Variants in GMDS observed in about 807,000 individuals in gnomAD.
GMDS encodes the protein GDP-mannose 4,6 dehydratase.
GMDS carries 20 observed loss-of-function variants against 49.9 expected under a neutral mutation model. The observed-to-expected ratio is 0.40, with a 90% CI of 0.28 to 0.58. The LOEUF is 0.58. GMDS is among the 20% of genes least tolerant of loss of function. The pLI, the probability that GMDS is intolerant of heterozygous loss-of-function variation, is 0.42. For synonymous variants in GMDS, 177 were observed against 178.6 expected, an observed-to-expected ratio of 0.99 and a Z score of 0.07; for missense variants, 362 against 481.4, an observed-to-expected ratio of 0.75 and a Z score of 2.32.
At chr6:1,755,413 T>C (rs1460758801) in intron 7 of GMDS, among the ~76,000 whole-genome samples, 1 of 152,118 alleles carries the variant, frequency 6.6e-6, no homozygotes, top group Non-Finnish European at 1.5e-5. Flanking sequence ...TGATCATGGA[T>C]AGGAAGAATG....
At chr6:1,680,542 A>T (rs1363378605) in intron 9 of GMDS, among the ~76,000 whole-genome samples, 1 of 152,150 alleles carries the variant, frequency 6.6e-6, no homozygotes, top group African/African-American at 2.4e-5. Context: ...CTGACTTCTC[A>T]CACGGAAAGC....
intron 4 of GMDS, among the ~76,000 whole-genome samples, chr6:1,972,900 C>T (rs1214395554): frequency 1.3e-5 from 2 of 152,212 alleles, no homozygotes; most frequent in African/African-American, 4.8e-5. Flanking sequence ...CAATTCTACA[C>T]ATTTGGTTTT....
chr6:1,832,733 A>G (rs1448458732), intron 7 of GMDS, among the ~76,000 whole-genome samples: 1 of 152,216 alleles, frequency 6.6e-6, no homozygotes, highest in East Asian at 1.9e-4. Flanking sequence ...AAAAGAATGA[A>G]CAAAGTGAGG....
chr6:1,789,482 T>C (rs1214681713), intron 7 of GMDS, among the ~76,000 whole-genome samples: 1 of 152,146 alleles, frequency 6.6e-6, no homozygotes, highest in Non-Finnish European at 1.5e-5. Context: ...TTCTTTATTA[T>C]ATAAGTTAGA....
intron 10 of GMDS, 78 bp from the exon 11 acceptor site, chr6:1,624,309 C>A: frequency 7.2e-7 from 1 of 1,396,864 alleles, no homozygotes. Context: ...GTGTCGGCCC[C>A]AGAGAGGCCT....
intron 7 of GMDS, among the ~76,000 whole-genome samples, chr6:1,813,357 G>A (rs183922835): frequency 4.0e-5 from 6 of 151,658 alleles, no homozygotes; most frequent in African/African-American, 4.8e-5. Flanking sequence ...ACTTTAAAGC[G>A]TTCGTTAGAT....
chr6:1,965,024 G>T (rs1403524532), intron 4 of GMDS, among the ~76,000 whole-genome samples: 2 of 151,076 alleles, frequency 1.3e-5, no homozygotes, highest in Non-Finnish European at 2.9e-5. Flanking sequence ...TGGCTGCATA[G>T]TATTCCATGG....
At chr6:1,982,893 G>T (rs1368598148) in intron 4 of GMDS, among the ~76,000 whole-genome samples, 1 of 151,954 alleles carries the variant, frequency 6.6e-6, no homozygotes, top group Non-Finnish European at 1.5e-5. Flanking sequence ...AATTCATATG[G>T]AACCAAAAAA....
intron 9 of GMDS, among the ~76,000 whole-genome samples, chr6:1,693,314 G>A (rs1294928093): frequency 6.6e-6 from 1 of 152,188 alleles, no homozygotes; most frequent in Non-Finnish European, 1.5e-5. Flanking sequence ...GGGCACCTCT[G>A]CAGATCTCTG....
intron 1 of GMDS, among the ~76,000 whole-genome samples, chr6:2,167,532 C>T (rs1010004495): frequency 2.0e-5 from 3 of 152,126 alleles, no homozygotes; most frequent in Admixed American, 6.5e-5. Context: ...AGAGTCAAAA[C>T]CTCTTCAACT....
intron 1 of GMDS, among the ~76,000 whole-genome samples, chr6:2,210,907 C>A (rs1352850388): frequency 3.9e-5 from 6 of 152,162 alleles, no homozygotes; most frequent in African/African-American, 1.4e-4. Flanking sequence ...GGATGTCCCC[C>A]TTTCTGTTCT....
At chr6:2,088,051 A>G (rs920875434) in intron 4 of GMDS, among the ~76,000 whole-genome samples, 2 of 152,136 alleles carry the variant, frequency 1.3e-5, no homozygotes, top group African/African-American at 2.4e-5. Context: ...ATATGCTCAT[A>G]TGCTGGAGTG....
intron 9 of GMDS, among the ~76,000 whole-genome samples, chr6:1,626,962 G>A (rs1250675547): frequency 6.6e-6 from 1 of 152,208 alleles, no homozygotes; most frequent in East Asian, 1.9e-4. Context: ...ATTTAGTTTT[G>A]AGCCTAGCTC....
At chr6:1,734,378 C>T (rs1456671150) in intron 8 of GMDS, among the ~76,000 whole-genome samples, 1 of 152,228 alleles carries the variant, frequency 6.6e-6, no homozygotes, top group Non-Finnish European at 1.5e-5. Flanking sequence ...TCGTGGGGCC[C>T]TTATGAATGT....
At chr6:1,645,983 C>T (rs898363654) in intron 9 of GMDS, among the ~76,000 whole-genome samples, 4 of 152,260 alleles carry the variant, frequency 2.6e-5, no homozygotes, top group African/African-American at 4.8e-5. Context: ...GGACCTGGCA[C>T]TGTGCCTGGC....
chr6:1,839,473 T>G (rs1325214741), intron 7 of GMDS, among the ~76,000 whole-genome samples: 1 of 152,180 alleles, frequency 6.6e-6, no homozygotes, highest in Non-Finnish European at 1.5e-5. Context: ...ATACCCTGGA[T>G]TTAATTAGCA....
intron 7 of GMDS, among the ~76,000 whole-genome samples, chr6:1,834,537 T>G (rs752247055): frequency 6.6e-6 from 1 of 152,174 alleles, no homozygotes; most frequent in Non-Finnish European, 1.5e-5. Context: ...TTTACAGTGC[T>G]TTTGTAAGAT....
intron 9 of GMDS, among the ~76,000 whole-genome samples, chr6:1,699,574 C>T (rs933520008): frequency 2.6e-5 from 4 of 152,204 alleles, no homozygotes; most frequent in African/African-American, 4.8e-5. Context: ...GAGGCGCCTA[C>T]ACCCCTTGGC....
intron 9 of GMDS, among the ~76,000 whole-genome samples, chr6:1,646,989 T>C (rs1453105207): frequency 2.0e-5 from 3 of 152,144 alleles, no homozygotes; most frequent in Non-Finnish European, 2.9e-5. Context: ...GCACGGGTGG[T>C]AGCCAGGCCT....
Sources: allele counts gnomAD v4.1 joint callset (sites outside exome capture counted in the v4.1 genomes callset), GRCh38; gene constraint gnomAD v4.1.1; transcripts MANE v1.5; gene names NCBI Gene and HGNC (gene_info 2026-07-23, HGNC 2026-07-21).